The following TMEM178B variants were observed in gnomAD, a reference collection of about 807,000 sequenced individuals.
The protein encoded by TMEM178B is transmembrane protein 178B.
TMEM178B carries 5 observed loss-of-function variants against 31.0 expected under a neutral mutation model. The ratio of observed to expected loss-of-function variants is 0.16; its 90% CI spans 0.08 to 0.34. The LOEUF is 0.34. Ranked by LOEUF, TMEM178B falls within the 10% of genes least tolerant of loss-of-function variation. The pLI is 1.00. For synonymous variants in TMEM178B, 164 were observed against 164.0 expected, an observed-to-expected ratio of 1.00 and a Z score of 0.00; for missense variants, 275 against 400.3, an observed-to-expected ratio of 0.69 and a Z score of 2.67.
Position 141,082,178 on chromosome 7 carries a change from A to G in TMEM178B, c.382+7486A>G, listed in dbSNP as rs115739245. On this transcript the variant is annotated intron_variant, in intron 1 of 3. Coordinates refer to ENST00000565468, the MANE Select transcript of TMEM178B (RefSeq NM_001195278.2). ...ATCGCCTAACGATGCATTTCTCAGA[A>G]CATATCCCTGTTGTTCAGTGACATG... Among the ~76,000 whole-genome samples the G allele has an allele frequency of 6.6e-3, 998 of 152,294 alleles. 11 individuals are homozygous for G. The highest frequency in any genetic ancestry group is 0.023 in the African/African-American group (950 of 41,538).
intron 1 of TMEM178B, among the ~76,000 whole-genome samples, chr7:141,093,678 G>A (rs931708896): frequency 6.6e-6 from 1 of 152,228 alleles, no homozygotes; most frequent in East Asian, 1.9e-4. Context: ...GTTGGAATCT[G>A]CAAAAGAGAC....
intron 1 of TMEM178B, among the ~76,000 whole-genome samples, chr7:141,126,947 G>A (rs1036815830): frequency 6.6e-6 from 1 of 152,064 alleles, no homozygotes; most frequent in Admixed American, 6.6e-5. Flanking sequence ...GTTGCAAAGT[G>A]TGGAGGCTGT....
chr7:141,372,762 G>A lies in TMEM178B; in HGVS notation c.497-64846G>A, dbSNP rs187036051. ...TGCAGAGAACTGCTTTGAAAACTAT[G>A]TGTAGTTCTGAGGATGTCTTCCGTA... is the stretch of plus-strand genomic sequence containing the variant. On this transcript the variant is annotated intron_variant, in intron 2 of 3. Transcript: ENST00000565468. 2.0e-5 allele frequency among the ~76,000 whole-genome samples: 3 copies of A among 152,332 alleles called. No homozygotes were observed. In the East Asian group the frequency reaches 5.8e-4, roughly 29 times the overall value.
intron 2 of TMEM178B, among the ~76,000 whole-genome samples, chr7:141,424,583 A>T (rs1033223812): frequency 9.9e-5 from 15 of 152,232 alleles, no homozygotes; most frequent in African/African-American, 3.6e-4. Context: ...TAAAGCTCAC[A>T]TCTCTCAAAT....
Position 141,473,863 on chromosome 7 carries a change from C to T in TMEM178B, c.*3077C>T, listed in dbSNP as rs904587779. The T allele has an allele frequency of 6.6e-6, 1 of 152,318 alleles. No individual in the cohort carries two copies. Among genetic ancestry groups the T allele is most frequent in the Middle Eastern group, 3.4e-3 (1 of 294 alleles). The allele number at this position is 152,318 out of a possible 1,614,324, so 9.4% of individuals were successfully genotyped here. A position where few individuals can be genotyped will look rare whatever the true frequency, so the allele number is the denominator to read the frequency against. Reference sequence around the variant, plus strand: ...GACCTTGATCCCTCTAGCATAAGGGCTTGACCACAGATTAAAACATGTGAC... The same window carrying T: ...GACCTTGATCCCTCTAGCATAAGGGTTTGACCACAGATTAAAACATGTGAC... On this transcript the variant is annotated 3_prime_UTR_variant, in exon 4 of 4. Transcript: ENST00000565468.
intron 1 of TMEM178B, among the ~76,000 whole-genome samples, chr7:141,082,511 G>A (rs958955345): frequency 2.6e-5 from 4 of 152,228 alleles, no homozygotes; most frequent in Middle Eastern, 3.2e-3. Context: ...TTGCGTATAC[G>A]CCATGTGTAT....
intron 2 of TMEM178B, among the ~76,000 whole-genome samples, chr7:141,420,200 C>G (rs560074417): frequency 6.6e-6 from 1 of 152,248 alleles, no homozygotes; most frequent in Non-Finnish European, 1.5e-5. Flanking sequence ...CTGCCCCCCC[C>G]CACTACATAC....
chr7:141,122,345 A>G (rs1423176732), intron 1 of TMEM178B, among the ~76,000 whole-genome samples: 1 of 152,224 alleles, frequency 6.6e-6, no homozygotes, highest in African/African-American at 2.4e-5. Flanking sequence ...AATGCAGGCT[A>G]TTCAGACACT....
intron 1 of TMEM178B, among the ~76,000 whole-genome samples, chr7:141,107,612 A>G (rs1450465487): frequency 1.3e-5 from 2 of 152,226 alleles, no homozygotes; most frequent in East Asian, 1.9e-4. Context: ...ATCAAGTAAC[A>G]TGGGCATTGA....
At chr7:141,339,547 A>AT (rs1799481933) in intron 2 of TMEM178B, among the ~76,000 whole-genome samples, 1 of 152,334 alleles carries the variant, frequency 6.6e-6, no homozygotes, top group African/African-American at 2.4e-5. Flanking sequence ...AGCAAAGGAG[A>AT]TTTTTTAAAA....
chr7:141,094,449 G>C (rs1280087439), intron 1 of TMEM178B, among the ~76,000 whole-genome samples: 1 of 152,172 alleles, frequency 6.6e-6, no homozygotes, highest in African/African-American at 2.4e-5. Context: ...TTCTATTTGG[G>C]TATGGTGGTT....
At chr7:141,337,152 C>T (rs1247385084) in intron 2 of TMEM178B, among the ~76,000 whole-genome samples, 1 of 1,726 alleles carries the variant, frequency 5.8e-4, no homozygotes. Context: ...ATCATCACCA[C>T]CACCATCACC....
At chr7:141,349,647 G>A (rs932643684) in intron 2 of TMEM178B, among the ~76,000 whole-genome samples, 26 of 152,194 alleles carry the variant, frequency 1.7e-4, no homozygotes, top group African/African-American at 5.3e-4. Context: ...GAAGGCAATC[G>A]TTTCATGGAA....
intron 1 of TMEM178B, among the ~76,000 whole-genome samples, chr7:141,194,810 C>T (rs2129185369): frequency 6.6e-6 from 1 of 152,340 alleles, no homozygotes; most frequent in South Asian, 2.1e-4. Flanking sequence ...CAAACTTTTG[C>T]CTGGGCATCC....
chr7:141,253,841 C>T (rs1401659842), intron 2 of TMEM178B, among the ~76,000 whole-genome samples: 3 of 151,980 alleles, frequency 2.0e-5, no homozygotes, highest in African/African-American at 4.8e-5. Context: ...CGTGAGCCAC[C>T]GCGCCCGGCC....
chr7:141,398,514 C>T (rs1800697643), intron 2 of TMEM178B, among the ~76,000 whole-genome samples: 1 of 152,126 alleles, frequency 6.6e-6, no homozygotes, highest in African/African-American at 2.4e-5. Flanking sequence ...CCTCCCATCC[C>T]CTCTGTTTCT....
intron 2 of TMEM178B, among the ~76,000 whole-genome samples, chr7:141,279,608 A>G (rs1265406092): frequency 2.6e-5 from 4 of 152,188 alleles, no homozygotes; most frequent in Non-Finnish European, 5.9e-5. Context: ...TTCCCTTAGC[A>G]AGGCAAAATC....
At chr7:141,496,220 C>G in the TMEM178B span, among the ~76,000 whole-genome samples, 15 of 152,144 alleles carry the variant, frequency 9.9e-5, no homozygotes, top group African/African-American at 3.1e-4. Context: ...AGTTGGGACA[C>G]AGTGTCTTTT....
chr7:141,237,501 T>G (rs911302572), intron 2 of TMEM178B, among the ~76,000 whole-genome samples: 2 of 152,148 alleles, frequency 1.3e-5, no homozygotes, highest in East Asian at 3.8e-4. Flanking sequence ...AAATGAGATG[T>G]AGATTATGCT....
Sources: gnomAD v4.1 joint callset for allele counts (sites outside exome capture counted in the v4.1 genomes callset) on GRCh38, gnomAD v4.1.1 for gene constraint, MANE v1.5 for transcripts, NCBI Gene and HGNC (gene_info 2026-07-23, HGNC 2026-07-21) for gene names.